The following NLGN4Y variants were observed in gnomAD, a reference collection of about 807,000 sequenced individuals.
NLGN4Y encodes neuroligin 4 Y-linked.
A neutral mutation model predicts 8.4 loss-of-function variants in NLGN4Y; 4 were observed. The ratio of observed to expected loss-of-function variants is 0.48; its 90% confidence interval spans 0.23 to 1.09. The LOEUF (loss-of-function observed/expected upper bound fraction) is 1.09. NLGN4Y is among the 50% of genes least tolerant of loss of function. NLGN4Y has a pLI of 0.19. For synonymous variants in NLGN4Y, 35 were observed against 75.6 expected, an observed-to-expected ratio of 0.46 and a Z score of 2.78; for missense variants, 90 against 192.3, an observed-to-expected ratio of 0.47 and a Z score of 3.15.
At chrY:14,571,851 G>A (rs75865304) in intron 1 of NLGN4Y, among the ~76,000 whole-genome samples, 1 of 32,349 alleles carries the variant, frequency 3.1e-5, no homozygotes, top group African/African-American at 1.2e-4. Context: ...TTATTAAATA[G>A]GGAATCCTTT....
At chrY:14,812,373 G>A in intron 4 of NLGN4Y, among the ~76,000 whole-genome samples, 2 of 33,463 alleles carry the variant, frequency 6.0e-5, no homozygotes, top group Non-Finnish European at 1.5e-4. Context: ...CATCAATGTA[G>A]CCATTAACAT....
intron 2 of NLGN4Y, among the ~76,000 whole-genome samples, chrY:14,651,030 G>T: frequency 3.1e-5 from 1 of 32,582 alleles, no homozygotes; most frequent in East Asian, 8.2e-4. Context: ...TCTGGAAGGG[G>T]CCAGATCCCG....
At chrY:14,683,925 T>C (rs2080779443) in intron 2 of NLGN4Y, among the ~76,000 whole-genome samples, 1 of 33,546 alleles carries the variant, frequency 3.0e-5, no homozygotes. Context: ...AGCTATTTAT[T>C]AAGATGTTTT....
chrY:14,609,384 C>A (rs998841533), intron 1 of NLGN4Y, among the ~76,000 whole-genome samples: 3 of 33,449 alleles, frequency 9.0e-5, no homozygotes, highest in Non-Finnish European at 2.2e-4. Context: ...ATATATGTTC[C>A]ATCAATACCT....
intron 2 of NLGN4Y, chrY:14,639,328 C>A: frequency 5.7e-6 from 1 of 175,711 alleles, no homozygotes; most frequent in Non-Finnish European, 1.1e-5. Context: ...AAAGCCAGAA[C>A]TTGATTTGAA....
At chrY:14,547,998 A>C in intron 1 of NLGN4Y, among the ~76,000 whole-genome samples, 5 of 33,274 alleles carry the variant, frequency 1.5e-4, no homozygotes, top group African/African-American at 5.9e-4. Context: ...AGGTGGGTGA[A>C]GGTCAAGATT....
intron 1 of NLGN4Y, among the ~76,000 whole-genome samples, chrY:14,535,610 G>T: frequency 3.9e-5 from 1 of 25,751 alleles, no homozygotes; most frequent in Non-Finnish European, 9.2e-5. Context: ...ACACAGGAAC[G>T]GTAGTAGTAG....
At chrY:14,783,722 G>A (rs2042950350) in intron 4 of NLGN4Y, among the ~76,000 whole-genome samples, 1 of 33,588 alleles carries the variant, frequency 3.0e-5, no homozygotes, top group African/African-American at 1.2e-4. Context: ...TTTCATATTT[G>A]AAATTTCATA....
At chrY:14,673,556 T>C in intron 2 of NLGN4Y, among the ~76,000 whole-genome samples, 1 of 33,242 alleles carries the variant, frequency 3.0e-5, no homozygotes, top group African/African-American at 1.2e-4. Flanking sequence ...TGTGGAGAAA[T>C]AGGAACACTT....
chrY:14,545,860 G>A, intron 1 of NLGN4Y, among the ~76,000 whole-genome samples: 1 of 33,218 alleles, frequency 3.0e-5, no homozygotes, highest in Admixed American at 2.8e-4. Context: ...TTGAGCCTAT[G>A]TACTGAATGG....
chrY:14,625,595 G>A, intron 2 of NLGN4Y, among the ~76,000 whole-genome samples: 1 of 33,060 alleles, frequency 3.0e-5, no homozygotes, highest in Admixed American at 2.8e-4. Flanking sequence ...CAGAGGAAAA[G>A]AGGGGGTAAC....
chrY:14,529,218 T>G, intron 1 of NLGN4Y, among the ~76,000 whole-genome samples: 1 of 32,113 alleles, frequency 3.1e-5, no homozygotes, highest in African/African-American at 1.2e-4. Flanking sequence ...TAAGGGCACC[T>G]TTTTCAGTCA....
chrY:14,729,487 C>G (rs2080965246), intron 4 of NLGN4Y, among the ~76,000 whole-genome samples: 1 of 33,496 alleles, frequency 3.0e-5, no homozygotes, highest in Non-Finnish European at 7.4e-5. Flanking sequence ...AAATGGTTCA[C>G]ATTATGTTAT....
At chrY:14,761,072 G>T in intron 4 of NLGN4Y, among the ~76,000 whole-genome samples, 1 of 33,053 alleles carries the variant, frequency 3.0e-5, no homozygotes, top group South Asian at 6.9e-4. Flanking sequence ...ATTGAAACAG[G>T]GTATTATTCA....
chrY:14,631,158 C>T, intron 2 of NLGN4Y, among the ~76,000 whole-genome samples: 1 of 32,704 alleles, frequency 3.1e-5, no homozygotes, highest in Non-Finnish European at 7.5e-5. Context: ...CCTCTGCCTC[C>T]CAGGTTGAAG....
At chrY:14,826,835 C>A in intron 5 of NLGN4Y, among the ~76,000 whole-genome samples, 1 of 33,263 alleles carries the variant, frequency 3.0e-5, no homozygotes. Flanking sequence ...ATCACTTGAG[C>A]CAGGGAGGTC....
At chrY:14,619,748 A>G (rs2080501570) in intron 1 of NLGN4Y, among the ~76,000 whole-genome samples, 1 of 33,871 alleles carries the variant, frequency 3.0e-5, no homozygotes, top group Non-Finnish European at 7.3e-5. Flanking sequence ...ATTGTTCACA[A>G]TAGCAAAGAC....
chrY:14,758,132 T>C, intron 4 of NLGN4Y, among the ~76,000 whole-genome samples: 1 of 34,078 alleles, frequency 2.9e-5, no homozygotes, highest in South Asian at 6.4e-4. Flanking sequence ...AAATTGGTTA[T>C]CATATATATA....
At chrY:14,642,161 A>G in intron 2 of NLGN4Y, among the ~76,000 whole-genome samples, 1 of 33,654 alleles carries the variant, frequency 3.0e-5, no homozygotes, top group African/African-American at 1.2e-4. Context: ...GAACTCTGCA[A>G]ACAAGCGTGT....
Sources: gnomAD v4.1 joint callset for allele counts (sites outside exome capture counted in the v4.1 genomes callset) on GRCh38, gnomAD v4.1.1 for gene constraint, MANE v1.5 for transcripts, NCBI Gene and HGNC (gene_info 2026-07-23, HGNC 2026-07-21) for gene names.